Variants in SEL1L3 observed in about 807,000 individuals in gnomAD.
SEL1L3 encodes the protein SEL1L family member 3, also known as protein sel-1 homolog 3.
A neutral mutation model predicts 142.8 loss-of-function variants in SEL1L3; 76 were observed. That is an observed-to-expected ratio of 0.53 (90% CI 0.44 to 0.64). The LOEUF is 0.64. Among genes scored for constraint, SEL1L3 ranks in the 30% least tolerant of loss-of-function variants. SEL1L3 has a pLI of 0.00. For missense variants in SEL1L3, 1,262 were observed against 1,381.7 expected (o/e 0.91, Z 1.37); for synonymous variants, 504 against 519.6 (o/e 0.97, Z 0.41).
chr4:25,726,811 G>A, the SEL1L3 span, among the ~76,000 whole-genome samples: 1 of 152,074 alleles, frequency 6.6e-6, no homozygotes, highest in South Asian at 2.1e-4. Context: ...TCTGTTATTC[G>A]CTTGTGAGAC....
In SEL1L3 at chr4:25,788,129, G is replaced by C. The variant is rs1711978531; in HGVS notation, c.2217+95C>G. Reference sequence around the variant, plus strand: ...CAGAAGCATATACTAAATTTCTTCAGTTATCGACTCCCTGTTTGCCAGCCC... The same window carrying C: ...CAGAAGCATATACTAAATTTCTTCACTTATCGACTCCCTGTTTGCCAGCCC... On this transcript the variant is annotated intron_variant, in intron 13 of 23. Transcript: ENST00000399878. The surrounding 1 kb of genome is among the most constrained non-coding windows in gnomAD (Gnocchi z 5.3). The C allele has an allele frequency of 8.0e-7, 1 of 1,247,894 alleles. No homozygotes were observed. Among genetic ancestry groups the C allele is most frequent in the Non-Finnish European group, 1.1e-6 (1 of 880,608 alleles). 77.3% of individuals were successfully genotyped at this position (1,247,894 alleles called of 1,614,324 possible). A position where few individuals can be genotyped will look rare whatever the true frequency, so the allele number is the denominator to read the frequency against.
At chr4:25,765,302 G>A (rs758551996) in intron 20 of SEL1L3, 24 bp downstream of exon 20, 9 of 1,523,044 alleles carry the variant, frequency 5.9e-6, no homozygotes, top group Non-Finnish European at 8.2e-6. Context: ...CCAAGAGCTG[G>A]TTTTTGTTGC....
chr4:25,745,663 G>T (rs1050713395), downstream of SEL1L3, among the ~76,000 whole-genome samples: 1 of 152,228 alleles, frequency 6.6e-6, no homozygotes, highest in Non-Finnish European at 1.5e-5. Context: ...GGCCAGAGAT[G>T]CTGTTTAGCA....
At chr4:25,834,651 G>T (rs774935988) in intron 3 of SEL1L3, among the ~76,000 whole-genome samples, 1 of 152,100 alleles carries the variant, frequency 6.6e-6, no homozygotes, top group Non-Finnish European at 1.5e-5. Context: ...ACATACGCTC[G>T]GTAAAGTGAC....
chr4:25,768,249 TA>T (rs1485044302), intron 17 of SEL1L3, among the ~76,000 whole-genome samples: 3 of 152,204 alleles, frequency 2.0e-5, no homozygotes, highest in African/African-American at 7.2e-5. Flanking sequence ...CAAGCTTAAT[TA>T]AAGCTGAGCT....
At chr4:25,863,314 C>G (rs1717881864), upstream of SEL1L3, 6 of 482,690 alleles carry the variant, frequency 1.2e-5, no homozygotes, top group East Asian at 4.5e-5. Context: ...CCGGCTCCCT[C>G]TTCCTTCTCC....
At chr4:25,863,194 AC>A (rs1415732922), upstream of SEL1L3, among the ~76,000 whole-genome samples, 1 of 16,878 alleles carries the variant, frequency 5.9e-5, no homozygotes, top group Non-Finnish European at 1.2e-4. Context: ...GGCCGCCGCC[AC>A]CCCCCGCCCG....
chr4:25,799,851 G>C (rs1003522894), intron 11 of SEL1L3, among the ~76,000 whole-genome samples: 3 of 152,140 alleles, frequency 2.0e-5, no homozygotes, highest in South Asian at 2.1e-4. Flanking sequence ...TATCATATGC[G>C]GAGTGCAGCT....
chr4:25,723,145 C>A, the SEL1L3 span, among the ~76,000 whole-genome samples: 149 of 152,334 alleles, frequency 9.8e-4, 1 homozygote, highest in Non-Finnish European at 1.7e-3. Context: ...TGGTGATGTT[C>A]TGCTCATTTT....
At chr4:25,716,504 T>G in the SEL1L3 span, among the ~76,000 whole-genome samples, 2 of 152,174 alleles carry the variant, frequency 1.3e-5, no homozygotes, top group African/African-American at 4.8e-5. Flanking sequence ...TTTGGGTACA[T>G]AATCTAGAAA....
At chr4:25,724,623 G>A in the SEL1L3 span, among the ~76,000 whole-genome samples, 15 of 150,778 alleles carry the variant, frequency 9.9e-5, no homozygotes, top group East Asian at 1.8e-3. Flanking sequence ...CCTGTAATCA[G>A]CCACTCGGGA....
At chr4:25,863,461 C>G (rs1320782527), upstream of SEL1L3, 2 of 688,026 alleles carry the variant, frequency 2.9e-6, no homozygotes, top group Admixed American at 2.0e-5. Flanking sequence ...CAGACCAGTT[C>G]CCGCCCGTGC....
intron 9 of SEL1L3, among the ~76,000 whole-genome samples, chr4:25,808,998 G>A (rs538276530): frequency 5.4e-5 from 8 of 147,932 alleles, no homozygotes; most frequent in African/African-American, 9.9e-5. Flanking sequence ...GCGTGAACCC[G>A]GGAGGCAGAG....
intron 1 of SEL1L3, among the ~76,000 whole-genome samples, chr4:25,852,538 A>T (rs566343070): frequency 8.5e-5 from 13 of 152,364 alleles, no homozygotes; most frequent in Non-Finnish European, 1.9e-4. Flanking sequence ...AAGGCCAGGG[A>T]TCGCTGGTGC....
the SEL1L3 span, among the ~76,000 whole-genome samples, chr4:25,738,085 C>T: frequency 6.6e-6 from 1 of 152,142 alleles, no homozygotes; most frequent in Non-Finnish European, 1.5e-5. Flanking sequence ...GATGGAGTTT[C>T]ACCACGTTGG....
intron 10 of SEL1L3, among the ~76,000 whole-genome samples, 160 bp from the exon 11 acceptor site, chr4:25,802,622 C>T (rs1353384653): frequency 6.6e-6 from 1 of 152,094 alleles, no homozygotes; most frequent in Non-Finnish European, 1.5e-5. Context: ...TGGCCTGTCG[C>T]CCAGGCTGGA....
intron 8 of SEL1L3, 34 bp from the exon 9 acceptor site, chr4:25,818,312 C>T: frequency 1.3e-6 from 2 of 1,562,630 alleles, no homozygotes; most frequent in Non-Finnish European, 1.7e-6. Flanking sequence ...ATATCACACC[C>T]TTTAGCAGAA....
chr4:25,825,205 T>C (rs1164985092), intron 6 of SEL1L3, among the ~76,000 whole-genome samples: 1 of 152,148 alleles, frequency 6.6e-6, no homozygotes, highest in Admixed American at 6.5e-5. Context: ...AATTTTTAAA[T>C]TGTCATTATT....
chr4:25,817,804 AT>A (rs1019275592), intron 9 of SEL1L3, among the ~76,000 whole-genome samples: 2 of 151,912 alleles, frequency 1.3e-5, no homozygotes. Flanking sequence ...TAGATAACTG[AT>A]TTTTTTTAAA....
Sources: allele counts gnomAD v4.1 joint callset (sites outside exome capture counted in the v4.1 genomes callset), GRCh38; gene constraint gnomAD v4.1.1; non-coding constraint Gnocchi (gnomAD v3.1); transcripts MANE v1.5; gene names NCBI Gene and HGNC (gene_info 2026-07-23, HGNC 2026-07-21).